ACCSL: variants seen among roughly 807,000 people sequenced by gnomAD.
The protein encoded by ACCSL is 1-aminocyclopropane-1-carboxylate synthase homolog (inactive) like.
A neutral mutation model predicts 61.7 loss-of-function variants in ACCSL; 55 were observed. That is an observed-to-expected ratio of 0.89 (90% confidence interval 0.72 to 1.12). ACCSL has a LOEUF of 1.12. Among genes scored for constraint, ACCSL ranks in the 50% most tolerant of loss-of-function variants. The pLI, the probability that ACCSL is intolerant of heterozygous loss-of-function variation, is 0.00. For synonymous variants in ACCSL, 258 were observed against 264.3 expected (o/e 0.98, Z 0.23); for missense variants, 632 against 698.0 (o/e 0.91, Z 1.07).
the ACCSL span, among the ~76,000 whole-genome samples, chr11:44,015,838 G>A: frequency 6.6e-6 from 1 of 152,172 alleles, no homozygotes; most frequent in African/African-American, 2.4e-5. Context: ...TTTCATATCT[G>A]TAAAATGGGG....
At chr11:44,022,553 T>C in the ACCSL span, among the ~76,000 whole-genome samples, 1 of 152,184 alleles carries the variant, frequency 6.6e-6, no homozygotes, top group Non-Finnish European at 1.5e-5. Context: ...GATCATATCA[T>C]TGGTGAATAG....
chr11:44,045,941 T>C (rs906087607), upstream of ACCSL, among the ~76,000 whole-genome samples: 5 of 152,138 alleles, frequency 3.3e-5, no homozygotes, highest in African/African-American at 1.2e-4. Flanking sequence ...TTCTTGTTCA[T>C]TGGAGGGAGG....
chr11:44,043,059 G>A (rs867965290), upstream of ACCSL, among the ~76,000 whole-genome samples: 1 of 151,980 alleles, frequency 6.6e-6, no homozygotes, highest in South Asian at 2.1e-4. Flanking sequence ...CTCCAGTCTC[G>A]GTGACAGAGT....
chr11:43,927,433 C>T, the ACCSL span, among the ~76,000 whole-genome samples: 1 of 152,226 alleles, frequency 6.6e-6, no homozygotes, highest in Non-Finnish European at 1.5e-5. Context: ...TGAAAAGCTG[C>T]AATATGTACT....
At chr11:43,926,593 A>T in the ACCSL span, 5 of 404,618 alleles carry the variant, frequency 1.2e-5, no homozygotes, top group Non-Finnish European at 2.4e-5. Flanking sequence ...CATTACAGAT[A>T]GAAGTAAACC....
At position 44,058,609 on chromosome 11, in the gene ACCSL, C is replaced by T. The variant is rs1020637067; in HGVS notation, c.1534C>T (p.Leu512=). ...LLYCRFLDNK[L]LLSRGKTYMC... ...CTATTGCCGCTTCCTGGACAACAAG[C>T]TATTGTTATCCCGTGGCAAAACCTA... The change falls in exon 13 of 14, where the codon CTA becomes TTA. Residue 512 remains leucine (L), a synonymous_variant. Coordinates refer to ENST00000378832, the MANE Select transcript of ACCSL (RefSeq NM_001031854.2). 3 of 1,614,112 alleles carry T rather than the reference C, an allele frequency of 1.9e-6. No homozygotes were observed. The highest frequency in any genetic ancestry group is 4.5e-5 in the East Asian group (2 of 44,882).
At chr11:43,997,150 T>TA in the ACCSL span, among the ~76,000 whole-genome samples, 27,608 of 149,710 alleles carry the variant, frequency 0.18, 2,875 homozygotes, top group East Asian at 0.29. Flanking sequence ...TGTGGGGAGT[T>TA]AAAAAAAAAA....
the ACCSL span, chr11:43,922,334 G>A: frequency 2.6e-5 from 4 of 152,180 alleles, no homozygotes; most frequent in African/African-American, 7.2e-5. Flanking sequence ...CTAGTTTCTC[G>A]GCCTGTTTGG....
the ACCSL span, among the ~76,000 whole-genome samples, chr11:43,928,485 C>A: frequency 6.6e-6 from 1 of 152,150 alleles, no homozygotes; most frequent in Non-Finnish European, 1.5e-5. Context: ...TATGCCTTCA[C>A]CCTATCAAGG....
At chr11:43,942,886 C>A in the ACCSL span, 1 of 1,322,558 alleles carries the variant, frequency 7.6e-7, no homozygotes, top group Non-Finnish European at 9.6e-7. Context: ...CGCCCGGCCC[C>A]GCAGACGCCG....
chr11:43,952,593 A>C, the ACCSL span, among the ~76,000 whole-genome samples: 1 of 152,152 alleles, frequency 6.6e-6, no homozygotes, highest in African/African-American at 2.4e-5. Flanking sequence ...TGGTGCATGC[A>C]GCCCCCAGTC....
chr11:43,978,871 C>A, the ACCSL span, among the ~76,000 whole-genome samples: 2 of 141,224 alleles, frequency 1.4e-5, no homozygotes, highest in East Asian at 2.2e-4. Context: ...CATTCTCCAG[C>A]ATCAACTGGT....
At chr11:44,036,006 T>C in the ACCSL span, among the ~76,000 whole-genome samples, 1 of 147,678 alleles carries the variant, frequency 6.8e-6, no homozygotes, top group African/African-American at 2.5e-5. Context: ...GCTGGAGCAG[T>C]CAGGGAACTT....
At chr11:43,980,842 G>T in the ACCSL span, among the ~76,000 whole-genome samples, 3 of 145,948 alleles carry the variant, frequency 2.1e-5, no homozygotes, top group African/African-American at 7.5e-5. Flanking sequence ...CAACTATGGG[G>T]TAAGCGCTAT....
In ACCSL at chr11:44,058,462, G is replaced by A; in HGVS notation, c.1470+3G>A. 1 of 1,614,182 alleles carries A rather than the reference G, an allele frequency of 6.2e-7. No homozygotes were observed. The highest frequency in any genetic ancestry group is 8.5e-7 in the Non-Finnish European group (1 of 1,180,034). On this transcript the variant is annotated splice_donor_region_variant and intron_variant, in intron 12 of 13. Coordinates refer to ENST00000378832, the MANE Select transcript of ACCSL (RefSeq NM_001031854.2). Reference sequence around the variant, plus strand: ...ATGTCTGGATCAACTTGAAAAAGGTGTGTTCTGGGAATGAGGACAGGTGTT... The same window carrying A: ...ATGTCTGGATCAACTTGAAAAAGGTATGTTCTGGGAATGAGGACAGGTGTT...
the ACCSL span, among the ~76,000 whole-genome samples, chr11:44,028,134 C>T: frequency 6.6e-6 from 1 of 151,868 alleles, no homozygotes; most frequent in Non-Finnish European, 1.5e-5. Context: ...CCACCGTACT[C>T]CTGCTTGGGT....
the ACCSL span, among the ~76,000 whole-genome samples, chr11:43,969,325 C>T: frequency 1.3e-5 from 2 of 152,288 alleles, no homozygotes; most frequent in African/African-American, 4.8e-5. Flanking sequence ...TACACCACTG[C>T]ACTCCAGCCT....
the ACCSL span, among the ~76,000 whole-genome samples, chr11:43,927,629 A>G: frequency 6.6e-6 from 1 of 152,208 alleles, no homozygotes; most frequent in African/African-American, 2.4e-5. Context: ...GTTTCTTAGA[A>G]TAAATTCCTA....
At chr11:43,976,152 C>T in the ACCSL span, among the ~76,000 whole-genome samples, 1 of 152,190 alleles carries the variant, frequency 6.6e-6, no homozygotes, top group Non-Finnish European at 1.5e-5. Context: ...TACACCTGGA[C>T]TTGATTTAGA....
Sources: allele counts gnomAD v4.1 joint callset (sites outside exome capture counted in the v4.1 genomes callset), GRCh38; gene constraint gnomAD v4.1.1; transcripts MANE v1.5; gene names NCBI Gene and HGNC (gene_info 2026-07-23, HGNC 2026-07-21).